PIK3R4: variants seen among roughly 807,000 people sequenced by gnomAD.
The protein encoded by PIK3R4 is phosphoinositide 3-kinase regulatory subunit 4.
PIK3R4 carries 46 observed loss-of-function variants against 136.5 expected under a neutral mutation model. The observed-to-expected ratio is 0.34, with a 90% CI of 0.27 to 0.43. The LOEUF is 0.43. PIK3R4 is among the 20% of genes least tolerant of loss of function. The pLI is 1.00. For missense variants in PIK3R4, 1,331 were observed against 1,649.5 expected, an observed-to-expected ratio of 0.81 and a Z score of 3.35; for synonymous variants, 557 against 566.7, an observed-to-expected ratio of 0.98 and a Z score of 0.24.
chr3:130,681,624 G>T, intron 16 of PIK3R4, 33 bp from the exon 17 acceptor site: 1 of 1,289,260 alleles, frequency 7.8e-7, no homozygotes, highest in Non-Finnish European at 1.1e-6. Context: ...TCTTGACTCA[G>T]ACAAAAAGAG....
At chr3:130,712,210 T>C (rs752085663) in intron 9 of PIK3R4, among the ~76,000 whole-genome samples, 1 of 152,106 alleles carries the variant, frequency 6.6e-6, no homozygotes, top group Non-Finnish European at 1.5e-5. Context: ...AATGCTACGC[T>C]GGTCTAGAAA....
intron 10 of PIK3R4, 48 bp downstream of exon 10, chr3:130,708,243 A>G: frequency 6.9e-7 from 1 of 1,456,130 alleles, no homozygotes; most frequent in South Asian, 1.2e-5. Context: ...CAGTCTTATG[A>G]AATAACTAAC....
Position 130,744,738 on chromosome 3 carries a change from A to C in PIK3R4, c.481T>G (p.Trp161Gly). The C allele has an allele frequency of 6.2e-7, 1 of 1,614,250 alleles. No homozygotes were observed. Among genetic ancestry groups the C allele is most frequent in the Non-Finnish European group, 8.5e-7 (1 of 1,180,042 alleles). The change falls in exon 2 of 20, where the codon TGG becomes GGG. Residue 161 changes from tryptophan (W) to glycine (G), a missense_variant. Coordinates refer to ENST00000356763, the MANE Select transcript of PIK3R4 (RefSeq NM_014602.3). ...TENVMVTSWNWVLLTDFASFK... is the reference protein window; with the variant it reads ...TENVMVTSWNGVLLTDFASFK... ...CTGGCAAAATCAGTTAGAAGAACCC[A>C]ATTCCAACTGGTGACCATCACATTC... is the stretch of plus-strand genomic sequence containing the variant.
At chr3:130,679,804 G>T (rs1438941781) in intron 19 of PIK3R4, among the ~76,000 whole-genome samples, 1 of 152,242 alleles carries the variant, frequency 6.6e-6, no homozygotes, top group African/African-American at 2.4e-5. Flanking sequence ...TAGGCCAGGC[G>T]CGGTGGGTCA....
chr3:130,705,421 C>T (rs2066600870), intron 12 of PIK3R4, 140 bp downstream of exon 12: 4 of 627,570 alleles, frequency 6.4e-6, no homozygotes, highest in Non-Finnish European at 5.7e-6. Context: ...TTCTTACTTA[C>T]TGCTTCTTCT....
intron 16 of PIK3R4, among the ~76,000 whole-genome samples, chr3:130,682,513 C>T (rs1212502753): frequency 6.6e-6 from 1 of 152,104 alleles, no homozygotes; most frequent in Non-Finnish European, 1.5e-5. Context: ...TAATACTTGC[C>T]TATGGGAAAC....
chr3:130,721,426 T>C lies in PIK3R4; in HGVS notation c.1981+1988A>G, dbSNP rs916453270. ...ACATCCAAAGGAAATGAAATTAGTA[T>C]GTTGAAGGGATATCTGCAATCCCAT... On this transcript the variant is annotated intron_variant, in intron 7 of 19. Coordinates refer to ENST00000356763, the MANE Select transcript of PIK3R4 (RefSeq NM_014602.3). 2.6e-5 allele frequency among the ~76,000 whole-genome samples: 4 copies of C among 152,012 alleles called. 1 individual carries two copies. The highest frequency in any genetic ancestry group is 5.9e-5 in the Non-Finnish European group (4 of 68,024).
At position 130,718,415 on chromosome 3, in the gene PIK3R4, G is replaced by C; in HGVS notation, c.2101C>G (p.Pro701Ala). 1.2e-6 allele frequency: 2 copies of C among 1,613,412 alleles called. No homozygotes were observed. The highest frequency in any genetic ancestry group is 1.7e-6 in the Non-Finnish European group (2 of 1,179,556). Reference protein sequence around the residue: ...VYCKLMPYLDPYITQPIIQIE... With the variant: ...VYCKLMPYLDAYITQPIIQIE... Reference sequence around the variant, plus strand: ...TGTATTATTGGTTGGGTAATATATGGGTCAAGATAAGGCATCAGTTTACAG... The same window carrying C: ...TGTATTATTGGTTGGGTAATATATGCGTCAAGATAAGGCATCAGTTTACAG... Residue 701 changes from proline to alanine, a missense_variant, in exon 8 of 20, where the codon CCA becomes GCA. Physicochemically the swap from Pro to Ala is conservative, Grantham distance 27. Coordinates refer to ENST00000356763, the MANE Select transcript of PIK3R4 (RefSeq NM_014602.3).
intron 13 of PIK3R4, among the ~76,000 whole-genome samples, chr3:130,697,337 G>C (rs765086745): frequency 6.6e-6 from 1 of 152,066 alleles, no homozygotes; most frequent in African/African-American, 2.4e-5. Context: ...CTCCCAAAGT[G>C]CTTGGGATTA....
chr3:130,744,949 T>C lies in PIK3R4; in HGVS notation c.270A>G (p.Ala90=), dbSNP rs765376793. The C allele has an allele frequency of 5.0e-6, 8 of 1,614,240 alleles. No homozygotes were observed. In the East Asian group the frequency reaches 1.6e-4, roughly 31 times the overall value. Residue 90 remains alanine (A), a synonymous_variant, in exon 2 of 20, where the codon GCA becomes GCG. Coordinates refer to ENST00000356763, the MANE Select transcript of PIK3R4 (RefSeq NM_014602.3). Reference sequence around the variant, plus strand: ...CTGCTTTCTCAGATGCTTTTTCTGATGCTTTCTGGAAAGGTAGACAATTCT... The same window carrying C: ...CTGCTTTCTCAGATGCTTTTTCTGACGCTTTCTGGAAAGGTAGACAATTCT... The part of the protein sequence containing the change: ...SAQNCLPFQK[A]SEKASEKAAM...
At chr3:130,682,601 G>A (rs1389852970) in intron 16 of PIK3R4, among the ~76,000 whole-genome samples, 1 of 152,156 alleles carries the variant, frequency 6.6e-6, no homozygotes, top group African/African-American at 2.4e-5. Context: ...TCATCTCACA[G>A]TCACTGCTCC....
At chr3:130,688,981 T>C (rs1399521110) in intron 14 of PIK3R4, among the ~76,000 whole-genome samples, 1 of 152,252 alleles carries the variant, frequency 6.6e-6, no homozygotes, top group African/African-American at 2.4e-5. Context: ...TATTCTAATT[T>C]TGACCATATT....
At chr3:130,709,157 T>G (rs967821570) in intron 9 of PIK3R4, among the ~76,000 whole-genome samples, 1 of 152,124 alleles carries the variant, frequency 6.6e-6, no homozygotes, top group African/African-American at 2.4e-5. Flanking sequence ...GGCACCCATC[T>G]TATCAGATTA....
chr3:130,716,597 A>C lies in PIK3R4; in HGVS notation c.2130T>G (p.Ile710Met), dbSNP rs772837630. 1.2e-6 allele frequency: 2 copies of C among 1,604,198 alleles called. No homozygotes were observed. Among genetic ancestry groups the C allele is most frequent in the Non-Finnish European group, 8.5e-7 (1 of 1,174,020 alleles). Residue 710 changes from isoleucine to methionine, a missense_variant and splice_region_variant, in exon 9 of 20, where the codon ATT becomes ATG. Coordinates refer to ENST00000356763, the MANE Select transcript of PIK3R4 (RefSeq NM_014602.3). Reference protein sequence around the residue: ...DPYITQPIIQIERKLVLLSVL... With the variant: ...DPYITQPIIQMERKLVLLSVL... ...CACTGAGCAGAACAAGTTTTCTTTC[A>C]ATCTATATTGGAAAAATAAAAAGGA...
intron 7 of PIK3R4, among the ~76,000 whole-genome samples, chr3:130,718,761 A>C (rs2066682034): frequency 6.6e-6 from 1 of 152,166 alleles, no homozygotes; most frequent in Non-Finnish European, 1.5e-5. Context: ...AAAGAATAAA[A>C]ACAGTTACCT....
At chr3:130,727,475 G>A (rs908241546) in intron 6 of PIK3R4, among the ~76,000 whole-genome samples, 1 of 152,072 alleles carries the variant, frequency 6.6e-6, no homozygotes, top group Non-Finnish European at 1.5e-5. Context: ...CGCCCGCCTC[G>A]GCCTCCCAAA....
intron 14 of PIK3R4, among the ~76,000 whole-genome samples, chr3:130,688,807 G>T (rs1166020048): frequency 6.6e-6 from 1 of 152,104 alleles, no homozygotes; most frequent in Non-Finnish European, 1.5e-5. Flanking sequence ...TCATCTATAA[G>T]GAGTCAGATT....
intron 13 of PIK3R4, among the ~76,000 whole-genome samples, chr3:130,695,239 T>C (rs2066539843): frequency 1.3e-5 from 2 of 152,180 alleles, no homozygotes; most frequent in South Asian, 4.1e-4. Flanking sequence ...TCTTGTGAAC[T>C]GTTTATCTGG....
intron 9 of PIK3R4, among the ~76,000 whole-genome samples, chr3:130,710,929 TG>T (rs1237531350): frequency 2.7e-5 from 4 of 145,820 alleles, no homozygotes; most frequent in African/African-American, 1.0e-4. Context: ...ATGGAAAATG[TG>T]TAAGAATCAA....
Sources: gnomAD v4.1 joint callset for allele counts (sites outside exome capture counted in the v4.1 genomes callset) on GRCh38, gnomAD v4.1.1 for gene constraint, MANE v1.5 for transcripts, NCBI Gene and HGNC (gene_info 2026-07-23, HGNC 2026-07-21) for gene names.